Variants in EYS observed in about 807,000 individuals in gnomAD.
The protein encoded by EYS is EGF-like photoreceptor maintenance factor, also known as protein eyes shut homolog.
In EYS, 250 loss-of-function variants were observed where a neutral mutation model predicts 282.1. The ratio of observed to expected loss-of-function variants is 0.89; its 90% CI spans 0.80 to 0.98. The LOEUF (loss-of-function observed/expected upper bound fraction) is 0.98. Ranked by LOEUF, EYS falls within the 50% of genes least tolerant of loss-of-function variation. The pLI is 0.00. For missense variants in EYS, 4,016 were observed against 3,709.0 expected, an observed-to-expected ratio of 1.08 and a Z score of -2.15; for synonymous variants, 1,355 against 1,282.9, an observed-to-expected ratio of 1.06 and a Z score of -1.20.
At position 64,592,206 on chromosome 6, in the gene EYS, A is replaced by G. The variant is rs1050285794; in HGVS notation, c.3878-217T>C. On this transcript the variant is annotated intron_variant, in intron 25 of 42. Coordinates refer to ENST00000503581, the MANE Select transcript of EYS (RefSeq NM_001142800.2). ...CAAAGATTCCTATTATTTACACTCCATGGGAGGGCTAAAGTTAGAACAAAT... is the reference window on the plus strand; with the variant it reads ...CAAAGATTCCTATTATTTACACTCCGTGGGAGGGCTAAAGTTAGAACAAAT... Among the ~76,000 whole-genome samples the G allele has an allele frequency of 2.0e-5, 3 of 152,164 alleles. No individual in the cohort carries two copies. In the East Asian group the frequency reaches 5.8e-4, roughly 29 times the overall value.
intron 26 of EYS, among the ~76,000 whole-genome samples, chr6:64,465,685 G>C (rs1301651154): frequency 1.3e-5 from 2 of 151,326 alleles, no homozygotes; most frequent in Non-Finnish European, 2.9e-5. Context: ...ACATTGGTCT[G>C]AGAAAAGATT....
chr6:65,608,000 T>G (rs1292585325), intron 2 of EYS, among the ~76,000 whole-genome samples: 1 of 152,034 alleles, frequency 6.6e-6, no homozygotes, highest in Non-Finnish European at 1.5e-5. Flanking sequence ...TAAGAATATA[T>G]TCCACTCTTA....
chr6:64,829,274 A>T (rs1444092689), intron 19 of EYS, among the ~76,000 whole-genome samples: 1 of 152,110 alleles, frequency 6.6e-6, no homozygotes, highest in Admixed American at 6.6e-5. Flanking sequence ...AGCCACCACA[A>T]TGGTGGTACA....
At chr6:64,330,762 C>T (rs960788165) in intron 29 of EYS, among the ~76,000 whole-genome samples, 4 of 152,102 alleles carry the variant, frequency 2.6e-5, no homozygotes, top group African/African-American at 9.7e-5. Flanking sequence ...GAGGGGGTAT[C>T]GCTTGCTTTC....
intron 15 of EYS, among the ~76,000 whole-genome samples, chr6:64,942,840 A>C (rs112620518): frequency 0.015 from 2,265 of 151,274 alleles, 88 homozygotes; most frequent in African/African-American, 0.052. Context: ...AAAAAAAAAA[A>C]AAACAAAAAT....
chr6:63,871,205 A>C (rs372926082), intron 35 of EYS, among the ~76,000 whole-genome samples: 1 of 152,344 alleles, frequency 6.6e-6, no homozygotes, highest in Non-Finnish European at 1.5e-5. Flanking sequence ...CTGAGATGCA[A>C]GAAGCGGCCT....
chr6:64,285,648 A>G (rs1768472043), intron 30 of EYS, among the ~76,000 whole-genome samples: 1 of 152,212 alleles, frequency 6.6e-6, no homozygotes, highest in South Asian at 2.1e-4. Flanking sequence ...CACTATTAAT[A>G]AAAACATACC....
chr6:64,584,190 G>T (rs904977427), intron 26 of EYS, among the ~76,000 whole-genome samples: 1 of 151,760 alleles, frequency 6.6e-6, no homozygotes, highest in Non-Finnish European at 1.5e-5. Flanking sequence ...AATATGTAAA[G>T]CATGTAAAAA....
chr6:64,611,802 G>GT (rs1191165178), intron 24 of EYS, among the ~76,000 whole-genome samples: 2 of 152,212 alleles, frequency 1.3e-5, no homozygotes, highest in Admixed American at 1.3e-4. Flanking sequence ...CAAAAGATGT[G>GT]TTTTGACTGA....
intron 22 of EYS, among the ~76,000 whole-genome samples, chr6:64,671,830 C>A (rs1583023292): frequency 6.6e-6 from 1 of 151,788 alleles, no homozygotes; most frequent in South Asian, 2.1e-4. Context: ...GTATTCATTT[C>A]CCCTGATATG....
chr6:63,944,741 C>T (rs906560470), intron 35 of EYS, among the ~76,000 whole-genome samples: 13 of 151,974 alleles, frequency 8.6e-5, no homozygotes, highest in African/African-American at 2.7e-4. Flanking sequence ...GCCTGGCCAA[C>T]GTGGCAAAAC....
chr6:65,444,625 T>C (rs10944801), intron 5 of EYS, among the ~76,000 whole-genome samples: 28,156 of 151,924 alleles, frequency 0.19, 3,257 homozygotes, highest in Middle Eastern at 0.3. Flanking sequence ...TTCTATAAAA[T>C]AAAAAGAATA....
At chr6:63,784,666 A>G (rs1161668669) in intron 39 of EYS, among the ~76,000 whole-genome samples, 1 of 151,792 alleles carries the variant, frequency 6.6e-6, no homozygotes, top group East Asian at 1.9e-4. Context: ...CTATCACAAG[A>G]ACAGCAAGGG....
intron 35 of EYS, among the ~76,000 whole-genome samples, chr6:63,930,325 C>T (rs550409145): frequency 2.5e-5 from 3 of 117,934 alleles, no homozygotes; most frequent in South Asian, 3.0e-4. Context: ...AGGTTGATCA[C>T]GTTTACATTC....
chr6:63,786,495 G>A (rs1324942090), intron 39 of EYS, among the ~76,000 whole-genome samples: 1 of 151,482 alleles, frequency 6.6e-6, no homozygotes, highest in East Asian at 1.9e-4. Context: ...GAAAATGCAC[G>A]GACACAGGGA....
chr6:64,318,399 G>T (rs1015380486), intron 29 of EYS, among the ~76,000 whole-genome samples: 1 of 151,908 alleles, frequency 6.6e-6, no homozygotes, highest in African/African-American at 2.4e-5. Context: ...ATAATCAGTA[G>T]TAGTTACACA....
chr6:64,807,881 T>A (rs868649397), intron 22 of EYS, among the ~76,000 whole-genome samples: 22 of 152,090 alleles, frequency 1.4e-4, no homozygotes, highest in African/African-American at 5.3e-4. Flanking sequence ...CCTATGTATT[T>A]GTCCACAGTA....
intron 30 of EYS, among the ~76,000 whole-genome samples, chr6:64,276,345 A>G (rs888472892): frequency 6.6e-6 from 1 of 152,204 alleles, no homozygotes; most frequent in African/African-American, 2.4e-5. Context: ...TCCAAAATAA[A>G]TGGGTTAAAA....
intron 12 of EYS, among the ~76,000 whole-genome samples, chr6:65,172,451 C>T (rs1160773282): frequency 6.6e-6 from 1 of 151,144 alleles, no homozygotes; most frequent in Non-Finnish European, 1.5e-5. Flanking sequence ...ATGATATTGG[C>T]CATTCTGCTT....
Sources: allele counts gnomAD v4.1 joint callset (sites outside exome capture counted in the v4.1 genomes callset), GRCh38; gene constraint gnomAD v4.1.1; transcripts MANE v1.5; gene names NCBI Gene and HGNC (gene_info 2026-07-23, HGNC 2026-07-21).